The following CEP57 variants were observed in gnomAD, a reference collection of about 807,000 sequenced individuals.
CEP57 encodes centrosomal protein 57, also known as centrosomal protein of 57 kDa.
In CEP57, 40 loss-of-function variants were observed where a neutral mutation model predicts 68.0. The ratio of observed to expected loss-of-function variants is 0.59; its 90% CI spans 0.46 to 0.77. CEP57 has a LOEUF of 0.77. CEP57 is among the 30% of genes least tolerant of loss of function. The pLI is 0.00. For missense variants in CEP57, 606 were observed against 580.7 expected (o/e 1.04, Z -0.45); for synonymous variants, 219 against 198.7 (o/e 1.10, Z -0.86).
In CEP57 at chr11:95,829,253, G is replaced by GGCA; in HGVS notation, c.1194_1195insGCA (p.Glu398_Cys399insAla). Reference sequence around the variant, plus strand: ...CCGTTGAACTGAAAGACAAGTTGGAGTGTGAATTGGAGGCATTAGTGGGAA... The same window carrying GGCA: ...CCGTTGAACTGAAAGACAAGTTGGAGGCATGTGAATTGGAGGCATTAGTGGGAA... On this transcript the variant is annotated inframe_insertion, in exon 10 of 11. Coordinates refer to ENST00000325542, the MANE Select transcript of CEP57 (RefSeq NM_014679.5). 1 of 1,614,082 alleles carries GGCA rather than the reference G, an allele frequency of 6.2e-7. No homozygotes were observed. The highest frequency in any genetic ancestry group is 8.5e-7 in the Non-Finnish European group (1 of 1,180,012).
At chr11:95,817,517 C>T (rs1328566748) in intron 4 of CEP57, among the ~76,000 whole-genome samples, 1 of 152,026 alleles carries the variant, frequency 6.6e-6, no homozygotes, top group Non-Finnish European at 1.5e-5. Context: ...CCTATATGTC[C>T]AATAAATCCC....
At chr11:95,819,757 A>T (rs914826909) in intron 6 of CEP57, among the ~76,000 whole-genome samples, 4 of 152,190 alleles carry the variant, frequency 2.6e-5, no homozygotes, top group African/African-American at 9.7e-5. Flanking sequence ...TCTTGGGCTC[A>T]CTTCATATAT....
intron 9 of CEP57, 118 bp downstream of exon 9, chr11:95,828,145 C>G: frequency 8.3e-7 from 1 of 1,203,672 alleles, no homozygotes; most frequent in Non-Finnish European, 1.2e-6. Context: ...TGAGCACAAT[C>G]CTTATACCAA....
chr11:95,828,517 C>T (rs894126352), intron 9 of CEP57, among the ~76,000 whole-genome samples: 5 of 152,130 alleles, frequency 3.3e-5, no homozygotes, highest in African/African-American at 4.8e-5. Context: ...TAAAGTCTTA[C>T]GGGACCACTG....
chr11:95,790,223 G>C (rs945722207), upstream of CEP57: 6 of 191,458 alleles, frequency 3.1e-5, no homozygotes, highest in Admixed American at 5.3e-5. Flanking sequence ...CTCGTGGAGT[G>C]CTTTAACTTC....
chr11:95,818,140 G>A (rs1862378262), intron 5 of CEP57: 1 of 401,138 alleles, frequency 2.5e-6, no homozygotes, highest in Non-Finnish European at 4.6e-6. Flanking sequence ...GGCCGGGCGT[G>A]GTGGCTCACG....
intron 1 of CEP57, chr11:95,795,406 C>G (rs997966841): frequency 2.5e-6 from 1 of 396,494 alleles, no homozygotes. Flanking sequence ...ATCTTCCAGA[C>G]TTAATTCTCA....
chr11:95,817,455 TTAAG>T (rs1393970935), intron 4 of CEP57, among the ~76,000 whole-genome samples: 4 of 152,150 alleles, frequency 2.6e-5, no homozygotes, highest in Admixed American at 1.3e-4. Flanking sequence ...TTTACCCTAA[TTAAG>T]AGATTAACTA....
chr11:95,830,132 C>G (rs118111043), intron 10 of CEP57, among the ~76,000 whole-genome samples: 72 of 152,258 alleles, frequency 4.7e-4, no homozygotes, highest in Middle Eastern at 3.4e-3. Flanking sequence ...TATATCTTCT[C>G]ATTTAATTTT....
chr11:95,793,558 T>G (rs1861200204), intron 1 of CEP57, among the ~76,000 whole-genome samples: 1 of 152,200 alleles, frequency 6.6e-6, no homozygotes, highest in Non-Finnish European at 1.5e-5. Flanking sequence ...CCTCTGTGTC[T>G]TCTTTCTCCT....
chr11:95,792,677 C>T (rs1454673894), intron 1 of CEP57, among the ~76,000 whole-genome samples: 1 of 152,114 alleles, frequency 6.6e-6, no homozygotes, highest in Non-Finnish European at 1.5e-5. Flanking sequence ...ATCAAGGGTA[C>T]ACTAAGAATA....
At chr11:95,827,575 G>A in intron 8 of CEP57, 3 of 574,558 alleles carry the variant, frequency 5.2e-6, no homozygotes, top group Non-Finnish European at 6.1e-6. Context: ...TCAATGATGT[G>A]TATGTAGGGC....
chr11:95,809,990 A>T (rs1219810979), intron 2 of CEP57, among the ~76,000 whole-genome samples: 1 of 152,210 alleles, frequency 6.6e-6, no homozygotes, highest in Non-Finnish European at 1.5e-5. Context: ...CACATCAAAA[A>T]GCTTATCCAC....
chr11:95,810,547 T>C (rs1862012013), intron 2 of CEP57, among the ~76,000 whole-genome samples: 2 of 152,172 alleles, frequency 1.3e-5, no homozygotes. Flanking sequence ...AGCATTCTTA[T>C]ACACCAATAA....
In CEP57 at chr11:95,811,817, A is replaced by G. The variant is rs148158905; in HGVS notation, c.203-1115A>G. Among the ~76,000 whole-genome samples, 14 of 152,290 alleles carry G rather than the reference A, an allele frequency of 9.2e-5. 2 individuals are homozygous for G. The highest frequency in any genetic ancestry group is 8.5e-4 in the Admixed American group (13 of 15,298). On this transcript the variant is annotated intron_variant, in intron 2 of 10. Transcript: ENST00000325542. ...AGGAGTAGCATATTTTTCTCATTAG[A>G]ATGGCTATGATTCTTCTTTGACCCA...
chr11:95,824,738 A>G (rs1335397782), intron 8 of CEP57, among the ~76,000 whole-genome samples: 2 of 152,236 alleles, frequency 1.3e-5, no homozygotes, highest in African/African-American at 4.8e-5. Flanking sequence ...ATTTAAGGAA[A>G]GAGGAGACGG....
chr11:95,790,563 G>C lies in CEP57; in HGVS notation c.-136G>C, dbSNP rs1860974466. ...TGTGTTGCAGGGGTTTCCAAGCCCA[G>C]CACCAGCACCCTTGCCCTTTTCCAT... On this transcript the variant is annotated 5_prime_UTR_variant, in exon 1 of 11. Coordinates refer to ENST00000325542, the MANE Select transcript of CEP57 (RefSeq NM_014679.5). 2.9e-6 allele frequency: 3 copies of C among 1,045,252 alleles called. No individual in the cohort carries two copies. Among genetic ancestry groups the C allele is most frequent in the Non-Finnish European group, 4.3e-6 (3 of 696,458 alleles). The allele number at this position is 1,045,252 out of a possible 1,614,324, so 64.7% of individuals were successfully genotyped here. A position where few individuals can be genotyped will look rare whatever the true frequency, so the allele number is the denominator to read the frequency against.
intron 2 of CEP57, among the ~76,000 whole-genome samples, chr11:95,811,975 A>G (rs1591064973): frequency 6.6e-6 from 1 of 152,328 alleles, no homozygotes. Context: ...TATTTTACAC[A>G]TATAGGAAAA....
intron 2 of CEP57, among the ~76,000 whole-genome samples, chr11:95,810,253 G>A (rs919360224): frequency 6.6e-6 from 1 of 152,192 alleles, no homozygotes; most frequent in Non-Finnish European, 1.5e-5. Context: ...CATACTGAAT[G>A]AGCAAGAACT....
Sources: gnomAD v4.1 joint callset for allele counts (sites outside exome capture counted in the v4.1 genomes callset) on GRCh38, gnomAD v4.1.1 for gene constraint, MANE v1.5 for transcripts, NCBI Gene and HGNC (gene_info 2026-07-23, HGNC 2026-07-21) for gene names.